ADAMTSL1: variants seen among roughly 807,000 people sequenced by gnomAD.
The protein encoded by ADAMTSL1 is ADAMTS-like protein 1.
A neutral mutation model predicts 201.8 loss-of-function variants in ADAMTSL1; 126 were observed. The ratio of observed to expected loss-of-function variants is 0.62; its 90% CI spans 0.54 to 0.72. The LOEUF is 0.72. Among genes scored for constraint, ADAMTSL1 ranks in the 30% least tolerant of loss-of-function variants. The pLI, the probability that ADAMTSL1 is intolerant of heterozygous loss-of-function variation, is 0.00. For synonymous variants in ADAMTSL1, 1,121 were observed against 903.4 expected (o/e 1.24, Z -4.32); for missense variants, 2,679 against 2,277.8 (o/e 1.18, Z -3.59).
At chr9:18,732,262 C>T (rs1327632716) in intron 15 of ADAMTSL1, among the ~76,000 whole-genome samples, 2 of 152,266 alleles carry the variant, frequency 1.3e-5, no homozygotes, top group African/African-American at 4.8e-5. Flanking sequence ...CAGGGTAAAG[C>T]GAAGCTATGG....
chr9:18,076,531 C>G (rs1823233353), intron 1 of ADAMTSL1, among the ~76,000 whole-genome samples: 1 of 152,188 alleles, frequency 6.6e-6, no homozygotes, highest in Admixed American at 6.5e-5. Flanking sequence ...AGGGGCTTCT[C>G]TAAGGAGCTG....
chr9:17,910,719 T>A lies in ADAMTSL1; in HGVS notation c.87+3797T>A, dbSNP rs545833562. 7.6e-3 allele frequency among the ~76,000 whole-genome samples: 518 copies of A among 68,476 alleles called. 123 individuals are homozygous for A. The highest frequency in any genetic ancestry group is 0.014 in the African/African-American group (490 of 34,012). 44.9% of individuals were successfully genotyped at this position (68,476 alleles called of 152,430 possible). A position where few individuals can be genotyped will look rare whatever the true frequency, so the allele number is the denominator to read the frequency against. The stretch of plus-strand genomic sequence containing the variant: ...GGTAAATGCAAAATGCCTTTGAGAG[T>A]TAACTTGGTCAGGTGTTTGTCAGAG... On this transcript the variant is annotated intron_variant, in intron 1 of 29. Transcript: ENST00000680146.
chr9:18,699,240 T>C (rs55660507), intron 13 of ADAMTSL1, among the ~76,000 whole-genome samples: 24,888 of 152,074 alleles, frequency 0.16, 2,440 homozygotes, highest in South Asian at 0.27. Context: ...AAGAGCGTCA[T>C]TGTCATGAGA....
intron 2 of ADAMTSL1, among the ~76,000 whole-genome samples, chr9:18,164,774 C>T (rs1827559822): frequency 6.6e-6 from 1 of 151,764 alleles, no homozygotes; most frequent in African/African-American, 2.4e-5. Context: ...ATACAAGTGA[C>T]TTTATTTCTA....
At chr9:18,671,876 A>C (rs997995960) in intron 9 of ADAMTSL1, among the ~76,000 whole-genome samples, 8 of 152,022 alleles carry the variant, frequency 5.3e-5, no homozygotes, top group African/African-American at 1.9e-4. Flanking sequence ...TCTCTACTAA[A>C]AATACAAAAA....
intron 26 of ADAMTSL1, among the ~76,000 whole-genome samples, chr9:18,905,224 C>T (rs1830234404): frequency 6.6e-6 from 1 of 152,152 alleles, no homozygotes; most frequent in Non-Finnish European, 1.5e-5. Flanking sequence ...TCCATGAACT[C>T]TGGGGAAAGT....
At chr9:18,084,295 G>A (rs1311561645) in intron 1 of ADAMTSL1, among the ~76,000 whole-genome samples, 1 of 152,116 alleles carries the variant, frequency 6.6e-6, no homozygotes. Context: ...GCCAAGGCAG[G>A]TGGATCACCT....
At chr9:18,604,193 T>C (rs1412102588) in intron 4 of ADAMTSL1, among the ~76,000 whole-genome samples, 2 of 152,102 alleles carry the variant, frequency 1.3e-5, no homozygotes, top group Non-Finnish European at 2.9e-5. Flanking sequence ...AAGGAGGCAA[T>C]AACATTTCCA....
chr9:18,882,979 G>A (rs1828623674), intron 23 of ADAMTSL1, among the ~76,000 whole-genome samples: 1 of 132,068 alleles, frequency 7.6e-6, no homozygotes. Context: ...GCAACAGAAT[G>A]AGAGCCTGCC....
intron 1 of ADAMTSL1, among the ~76,000 whole-genome samples, chr9:18,129,176 A>G (rs1825852521): frequency 6.6e-6 from 1 of 152,172 alleles, no homozygotes; most frequent in Admixed American, 6.5e-5. Flanking sequence ...CCTACCTGCT[A>G]AATATATCTT....
intron 1 of ADAMTSL1, among the ~76,000 whole-genome samples, chr9:18,145,354 A>G (rs1826595365): frequency 1.3e-5 from 2 of 152,202 alleles, no homozygotes; most frequent in Admixed American, 6.5e-5. Context: ...CAGGTTCTAC[A>G]TGTGCTGATC....
At chr9:18,491,649 A>C (rs1449363296) in intron 1 of ADAMTSL1, among the ~76,000 whole-genome samples, 1 of 152,184 alleles carries the variant, frequency 6.6e-6, no homozygotes, top group Non-Finnish European at 1.5e-5. Flanking sequence ...TATAAATTAG[A>C]AGATGGTAGT....
At chr9:18,799,542 G>A (rs904153558) in intron 20 of ADAMTSL1, among the ~76,000 whole-genome samples, 1 of 152,196 alleles carries the variant, frequency 6.6e-6, no homozygotes, top group Non-Finnish European at 1.5e-5. Context: ...TCGACAAAAG[G>A]GAAACATTTT....
chr9:18,460,071 T>C (rs1029600076), intron 2 of ADAMTSL1, among the ~76,000 whole-genome samples: 2 of 152,146 alleles, frequency 1.3e-5, no homozygotes, highest in Non-Finnish European at 2.9e-5. Context: ...TTGACTCTAG[T>C]AGAAAAAGTG....
At chr9:18,280,408 A>G (rs1261588434) in intron 2 of ADAMTSL1, among the ~76,000 whole-genome samples, 1 of 151,736 alleles carries the variant, frequency 6.6e-6, no homozygotes, top group Non-Finnish European at 1.5e-5. Flanking sequence ...ATCTCTCAAA[A>G]AAAAAAAAAA....
At chr9:18,666,958 T>C (rs1829475335) in intron 9 of ADAMTSL1, among the ~76,000 whole-genome samples, 1 of 151,802 alleles carries the variant, frequency 6.6e-6, no homozygotes, top group Admixed American at 6.6e-5. Context: ...TTCTTTTTTT[T>C]TTTTTTTTTG....
rs775681208 is a variant in ADAMTSL1 at position 18,889,711 on chromosome 9, C to G, written c.4606C>G (p.Gln1536Glu). 8 of 1,557,692 alleles carry G rather than the reference C, an allele frequency of 5.1e-6. No homozygotes were observed. Among genetic ancestry groups the G allele is most frequent in the Non-Finnish European group, 6.1e-6 (7 of 1,150,852 alleles). The stretch of plus-strand genomic sequence containing the variant: ...CGCAGGGAAGGTTCGCCCTGCGGTG[C>G]AGCCCATCGCGTGCAACCGGAGAGA... ...HCAGKVRPAV[Q>E]PIACNRRDCP... is the part of the protein sequence containing the mutation. Residue 1536 changes from glutamine to glutamate, a missense_variant, in exon 25 of 29, where the codon CAG becomes GAG. By Grantham distance (29) the Gln-to-Glu change is conservative. Coordinates refer to ENST00000380548, the MANE Select transcript of ADAMTSL1 (RefSeq NM_001040272.6).
chr9:18,903,885 A>C (rs954186707), intron 26 of ADAMTSL1, among the ~76,000 whole-genome samples: 2 of 151,722 alleles, frequency 1.3e-5, no homozygotes, highest in Non-Finnish European at 2.9e-5. Flanking sequence ...GGACCTGCCC[A>C]GTTCAAACCC....
rs57205950 is a variant in ADAMTSL1, at chr9:18,221,355, A to C, written c.207+57374A>C. Among the ~76,000 whole-genome samples the C allele has an allele frequency of 8.6e-3, 1,307 of 152,326 alleles. 19 individuals carry two copies. The highest frequency in any genetic ancestry group is 0.029 in the African/African-American group (1,218 of 41,574). On this transcript the variant is annotated intron_variant, in intron 2 of 29. Coordinates refer to the ADAMTSL1 transcript ENST00000680146. ...TTATAATTTTCTTTAATTCTGAAGA[A>C]TACTCAGCCTTTATGTGTTCACACA...
Sources: gnomAD v4.1 joint callset for allele counts (sites outside exome capture counted in the v4.1 genomes callset) on GRCh38, gnomAD v4.1.1 for gene constraint, MANE v1.5 for transcripts, NCBI Gene and HGNC (gene_info 2026-07-23, HGNC 2026-07-21) for gene names.